The following TXNL4A variants were observed in gnomAD, a reference collection of about 807,000 sequenced individuals.
TXNL4A encodes thioredoxin like 4A.
In TXNL4A, 17 loss-of-function variants were observed where a neutral mutation model predicts 14.6. The observed-to-expected ratio is 1.16, with a 90% CI of 0.80 to 1.74. TXNL4A has a LOEUF of 1.74. Ranked by LOEUF, TXNL4A falls within the 40% of genes most tolerant of loss-of-function variation. The probability of loss-of-function intolerance (pLI) is 0.00; values close to 1 mark genes in which losing one functional copy is unlikely to be tolerated. For missense variants in TXNL4A, 74 were observed against 195.2 expected (o/e 0.38, Z 3.70); for synonymous variants, 83 against 70.6 (o/e 1.18, Z -0.88).
At chr18:79,989,712 C>T (rs1002231708), upstream of TXNL4A, among the ~76,000 whole-genome samples, 7 of 152,054 alleles carry the variant, frequency 4.6e-5, no homozygotes, top group African/African-American at 1.7e-4. Flanking sequence ...AAACAAATCA[C>T]GCCCGGGCGC....
chr18:80,020,610 C>T (rs921847642), intron 1 of TXNL4A, among the ~76,000 whole-genome samples: 24 of 152,172 alleles, frequency 1.6e-4, no homozygotes, highest in Admixed American at 6.5e-4. Context: ...AAAGATTAAA[C>T]GCCTTCCCTA....
intron 1 of TXNL4A, among the ~76,000 whole-genome samples, chr18:79,987,441 G>A (rs952891323): frequency 2.6e-5 from 4 of 152,076 alleles, no homozygotes; most frequent in African/African-American, 7.2e-5. Flanking sequence ...TTCATTAAAA[G>A]GAATAACCTC....
chr18:80,008,700 A>C (rs189702856), intron 1 of TXNL4A, among the ~76,000 whole-genome samples: 6 of 152,048 alleles, frequency 3.9e-5, no homozygotes, highest in Non-Finnish European at 8.8e-5. Context: ...TGTCACATCC[A>C]TCTCCTGGGA....
chr18:80,025,080 C>G (rs574537594), intron 1 of TXNL4A, among the ~76,000 whole-genome samples: 3 of 152,292 alleles, frequency 2.0e-5, no homozygotes, highest in Admixed American at 6.5e-5. Flanking sequence ...TTCTAAGTTA[C>G]AATGACCTAA....
chr18:80,006,426 G>C (rs56362259), intron 1 of TXNL4A, among the ~76,000 whole-genome samples: 37,445 of 151,908 alleles, frequency 0.25, 5,892 homozygotes, highest in Non-Finnish European at 0.36. Context: ...CTGTAACAGA[G>C]TGCAGTGGGG....
At chr18:79,991,609 A>C (rs913390380), upstream of TXNL4A, among the ~76,000 whole-genome samples, 1 of 152,200 alleles carries the variant, frequency 6.6e-6, no homozygotes, top group African/African-American at 2.4e-5. Flanking sequence ...ATGAACATTC[A>C]TGTACAAGCT....
chr18:80,000,759 TTC>T (rs1216387303), intron 1 of TXNL4A, among the ~76,000 whole-genome samples: 2 of 152,120 alleles, frequency 1.3e-5, no homozygotes, highest in African/African-American at 4.8e-5. Context: ...GTTCAAGCAA[TTC>T]TCCTGCCTCA....
intron 1 of TXNL4A, among the ~76,000 whole-genome samples, chr18:80,024,773 CCT>C (rs1262926705): frequency 1.3e-5 from 2 of 152,176 alleles, no homozygotes; most frequent in Non-Finnish European, 2.9e-5. Context: ...AACTTGAGCC[CCT>C]GACACACTTG....
chr18:80,013,277 C>G (rs1467441877), intron 1 of TXNL4A, among the ~76,000 whole-genome samples: 1 of 151,638 alleles, frequency 6.6e-6, no homozygotes, highest in African/African-American at 2.4e-5. Flanking sequence ...TGCCCGCCAC[C>G]ATGCCCAGCT....
intron 1 of TXNL4A, among the ~76,000 whole-genome samples, chr18:79,995,821 G>A (rs530903986): frequency 2.6e-5 from 4 of 152,266 alleles, no homozygotes; most frequent in African/African-American, 9.6e-5. Flanking sequence ...CCAGGACAAC[G>A]GCCGGGCGCG....
intron 1 of TXNL4A, 78 bp downstream of exon 1, chr18:79,988,162 C>A (rs934049265): frequency 1.5e-6 from 2 of 1,333,158 alleles, no homozygotes; most frequent in Non-Finnish European, 2.0e-6. Flanking sequence ...CTCGCGCCCC[C>A]AGGCGACGCC....
rs1324452153 is a variant in TXNL4A, at chr18:79,971,269, C to T, written c.*2416G>A. 3 of 152,272 alleles carry T rather than the reference C, an allele frequency of 2.0e-5. 1 individual carries two copies. The East Asian group carries it at 5.8e-4, about 29-fold the overall frequency. 9.4% of individuals were successfully genotyped at this position (152,272 alleles called of 1,614,324 possible). On this transcript the variant is annotated 3_prime_UTR_variant, in exon 3 of 3. Transcript: ENST00000269601. ...TTCTGTGTACGAGTTTCTATGTGGA[C>T]ATATGCGTTCAATTCTCCTGGGTAT...
chr18:80,028,766 T>C (rs1340031647), intron 1 of TXNL4A, among the ~76,000 whole-genome samples: 1 of 152,244 alleles, frequency 6.6e-6, no homozygotes, highest in Non-Finnish European at 1.5e-5. Context: ...GCTGCTATGC[T>C]TCTAGGGTTT....
rs773499997 is a variant in TXNL4A at position 79,977,639 on chromosome 18, C to T, written c.216G>A (p.Met72Ile). The change falls in exon 2 of 3, where the codon ATG becomes ATA. Residue 72 changes from methionine to isoleucine, a missense_variant. By Grantham distance (10) the Met-to-Ile change is conservative (BLOSUM62 1). This residue lies in a region of TXNL4A where 55 missense variants were observed against 116.1 expected (regional missense o/e 0.47). Transcript: ENST00000269601. Reference protein sequence around the residue: ...DITEVPDFNKMYELYDPCTVM... With the variant: ...DITEVPDFNKIYELYDPCTVM... Reference sequence around the variant, plus strand: ...CAGTACATGGATCGTATAACTCATACATTTTGTTGAAGTCAGGCACTTCTG... The same window carrying T: ...CAGTACATGGATCGTATAACTCATATATTTTGTTGAAGTCAGGCACTTCTG... 1 of 1,612,604 alleles carries T rather than the reference C, an allele frequency of 6.2e-7. No homozygotes were observed. The highest frequency in any genetic ancestry group is 1.3e-5 in the African/African-American group (1 of 74,780).
rs534650277 is a variant in TXNL4A at position 79,984,607 on chromosome 18, C to T, written c.153+3633G>A. 2.6e-5 allele frequency among the ~76,000 whole-genome samples: 4 copies of T among 152,252 alleles called. No individual in the cohort carries two copies. In the South Asian group the frequency reaches 6.2e-4, roughly 24 times the overall value. ...GTACTATCATGAGTCAATAATATTA[C>T]TGAGGAATTTTTTTGTTTTGTTTTT... is the stretch of plus-strand genomic sequence containing the variant. On this transcript the variant is annotated intron_variant, in intron 1 of 2. Transcript: ENST00000269601.
chr18:79,984,357 G>C (rs546287126), intron 1 of TXNL4A, among the ~76,000 whole-genome samples: 10 of 152,240 alleles, frequency 6.6e-5, no homozygotes, highest in Non-Finnish European at 1.2e-4. Context: ...ATTTTGGGAG[G>C]CTGAGGTGAC....
At chr18:79,986,003 T>C (rs538547010) in intron 1 of TXNL4A, 1 of 151,770 alleles carries the variant, frequency 6.6e-6, no homozygotes, top group Non-Finnish European at 1.5e-5. Flanking sequence ...AAGAAGAAAA[T>C]AAAACATGAA....
At chr18:80,001,450 C>T (rs2145104725) in intron 1 of TXNL4A, among the ~76,000 whole-genome samples, 1 of 152,238 alleles carries the variant, frequency 6.6e-6, no homozygotes, top group Admixed American at 6.5e-5. Context: ...CCACTGTCCT[C>T]CAAACCCCAC....
intron 1 of TXNL4A, among the ~76,000 whole-genome samples, chr18:80,010,548 C>T (rs184895449): frequency 2.0e-5 from 3 of 152,252 alleles, no homozygotes; most frequent in Non-Finnish European, 2.9e-5. Flanking sequence ...AGAGTGTCCA[C>T]GGGAACCCAC....
Sources: allele counts gnomAD v4.1 joint callset (sites outside exome capture counted in the v4.1 genomes callset), GRCh38; gene constraint gnomAD v4.1.1; regional missense constraint gnomAD v4.1.1; transcripts MANE v1.5; gene names NCBI Gene and HGNC (gene_info 2026-07-23, HGNC 2026-07-21).